HOMER1: variants seen among roughly 807,000 people sequenced by gnomAD.
HOMER1 encodes the protein homer protein homolog 1.
A neutral mutation model predicts 48.9 loss-of-function variants in HOMER1; 3 were observed. The observed-to-expected ratio is 0.06, with a 90% confidence interval of 0.03 to 0.16. The LOEUF (loss-of-function observed/expected upper bound fraction) is 0.16, where lower values mean the gene tolerates loss of function less well. HOMER1 is among the 10% of genes least tolerant of loss of function. The probability of loss-of-function intolerance (pLI) is 1.00; values close to 1 mark genes in which losing one functional copy is unlikely to be tolerated. For missense variants in HOMER1, 247 were observed against 411.4 expected (o/e 0.60, Z 3.46); for synonymous variants, 134 against 146.4 (o/e 0.92, Z 0.61).
At chr5:79,396,938 C>T in intron 7 of HOMER1, 35 bp from the exon 8 acceptor site, 1 of 1,194,728 alleles carries the variant, frequency 8.4e-7, no homozygotes, top group Non-Finnish European at 1.2e-6. Flanking sequence ...AACATTCAAA[C>T]TATATCAAGG....
chr5:79,398,371 T>C (rs536474742), intron 6 of HOMER1, among the ~76,000 whole-genome samples: 2 of 151,922 alleles, frequency 1.3e-5, no homozygotes, highest in African/African-American at 4.8e-5. Flanking sequence ...ACATATATCA[T>C]GTGCTCATAA....
chr5:79,507,979 AG>A (rs1449240576), intron 1 of HOMER1, among the ~76,000 whole-genome samples: 1 of 152,176 alleles, frequency 6.6e-6, no homozygotes, highest in Non-Finnish European at 1.5e-5. Flanking sequence ...CACATCTCTC[AG>A]TCACCATCCC....
intron 1 of HOMER1, among the ~76,000 whole-genome samples, chr5:79,478,492 C>CAGCCT (rs142704411): frequency 0.078 from 11,823 of 151,678 alleles, 1,005 homozygotes; most frequent in East Asian, 0.24. Flanking sequence ...AGTTCGAGAC[C>CAGCCT]AGCCTGGGCA....
At chr5:79,499,051 G>C (rs1337680332) in intron 1 of HOMER1, among the ~76,000 whole-genome samples, 1 of 152,036 alleles carries the variant, frequency 6.6e-6, no homozygotes, top group Non-Finnish European at 1.5e-5. Flanking sequence ...GGCCAGGATG[G>C]TCTTGATCTC....
intron 8 of HOMER1, among the ~76,000 whole-genome samples, chr5:79,378,222 C>CAAAAAAAAAAAA (rs58802660): frequency 3.4e-4 from 29 of 85,576 alleles, no homozygotes; most frequent in African/African-American, 1.0e-3. Flanking sequence ...GACTCTGTCT[C>CAAAAAAAAAAAA]AAAAAAAAAA....
chr5:79,474,848 CA>C (rs1203755448), intron 1 of HOMER1, among the ~76,000 whole-genome samples: 1 of 152,116 alleles, frequency 6.6e-6, no homozygotes, highest in East Asian at 1.9e-4. Flanking sequence ...GTAATAGTGA[CA>C]GGAAAAAAGC....
At chr5:79,381,072 G>A (rs1561341497) in intron 8 of HOMER1, among the ~76,000 whole-genome samples, 1 of 151,806 alleles carries the variant, frequency 6.6e-6, no homozygotes, top group Non-Finnish European at 1.5e-5. Flanking sequence ...TGCTAACACT[G>A]GTGCAAGCAA....
At chr5:79,457,774 A>C (rs1751213093) in intron 1 of HOMER1, among the ~76,000 whole-genome samples, 1 of 152,188 alleles carries the variant, frequency 6.6e-6, no homozygotes, top group Non-Finnish European at 1.5e-5. Context: ...CCCTAAGAGC[A>C]ATGGTTCAGT....
At chr5:79,446,353 G>A (rs1750881754) in intron 4 of HOMER1, among the ~76,000 whole-genome samples, 1 of 151,946 alleles carries the variant, frequency 6.6e-6, no homozygotes, top group Admixed American at 6.6e-5. Flanking sequence ...CTCTACCTCG[G>A]CTTTCCCCTC....
chr5:79,385,560 G>A (rs527897187), intron 8 of HOMER1, among the ~76,000 whole-genome samples: 4 of 152,206 alleles, frequency 2.6e-5, no homozygotes, highest in Admixed American at 2.6e-4. Flanking sequence ...ATCATCTTAT[G>A]GCCAGGTGCG....
rs538591953 is a variant in HOMER1 at position 79,500,907 on chromosome 5, G to A, written c.5+11863C>T. Among the ~76,000 whole-genome samples, 4 of 146,418 alleles carry A rather than the reference G, an allele frequency of 2.7e-5. No homozygotes were observed. The South Asian group carries it at 8.8e-4, about 32-fold the overall frequency. Reference sequence around the variant, plus strand: ...CCCAAAGTGCTGGGATTATAGGCGTGAGCCACTGCACCCAGCCATTTGTGT... The same window carrying A: ...CCCAAAGTGCTGGGATTATAGGCGTAAGCCACTGCACCCAGCCATTTGTGT... On this transcript the variant is annotated intron_variant, in intron 1 of 8. Transcript: ENST00000334082.
intron 5 of HOMER1, among the ~76,000 whole-genome samples, chr5:79,413,292 T>G (rs1278575425): frequency 1.3e-5 from 2 of 152,038 alleles, no homozygotes; most frequent in African/African-American, 4.8e-5. Flanking sequence ...AAACACAAAT[T>G]CAAGAAGCCC....
chr5:79,417,794 C>T (rs1433250827), intron 5 of HOMER1, among the ~76,000 whole-genome samples: 1 of 152,062 alleles, frequency 6.6e-6, no homozygotes, highest in Non-Finnish European at 1.5e-5. Context: ...GGAAAATTCA[C>T]CCTAAAAATT....
At chr5:79,421,471 A>G (rs1431480066) in intron 5 of HOMER1, among the ~76,000 whole-genome samples, 1 of 152,236 alleles carries the variant, frequency 6.6e-6, no homozygotes, top group Non-Finnish European at 1.5e-5. Context: ...ATATAAGGAA[A>G]GTTTACTATG....
At chr5:79,406,487 C>T (rs73769653) in intron 5 of HOMER1, among the ~76,000 whole-genome samples, 79 of 152,308 alleles carry the variant, frequency 5.2e-4, no homozygotes, top group African/African-American at 1.8e-3. Flanking sequence ...TTACCACAGA[C>T]TTCTATCAGG....
intron 1 of HOMER1, among the ~76,000 whole-genome samples, chr5:79,497,849 C>G (rs1377062960): frequency 6.6e-6 from 1 of 152,118 alleles, no homozygotes; most frequent in African/African-American, 2.4e-5. Flanking sequence ...AATGCAGTCA[C>G]TCTCAAATAA....
At position 79,404,790 on chromosome 5, in the gene HOMER1, G is replaced by A. The variant is rs62363109; in HGVS notation, c.528-2735C>T. Among the ~76,000 whole-genome samples, 808 of 151,950 alleles carry A rather than the reference G, an allele frequency of 5.3e-3. 5 individuals carry two copies. The highest frequency in any genetic ancestry group is 8.3e-3 in the Non-Finnish European group (565 of 67,980). ...CACAATCTCAGCTCATGCAACCTCC[G>A]CCTTCCAGGTTCAAGCGATTCTCCT... On this transcript the variant is annotated intron_variant, in intron 5 of 8. Transcript: ENST00000334082.
intron 1 of HOMER1, among the ~76,000 whole-genome samples, chr5:79,458,861 T>C (rs1751241450): frequency 6.6e-6 from 1 of 152,206 alleles, no homozygotes; most frequent in Non-Finnish European, 1.5e-5. Flanking sequence ...ATTCCCTCTT[T>C]CCCCATCCTC....
intron 1 of HOMER1, among the ~76,000 whole-genome samples, chr5:79,491,707 A>G (rs1439507702): frequency 1.3e-5 from 2 of 152,192 alleles, no homozygotes; most frequent in African/African-American, 4.8e-5. Flanking sequence ...TGTTTTCCTT[A>G]TGTATGAAAT....
Sources: allele counts gnomAD v4.1 joint callset (sites outside exome capture counted in the v4.1 genomes callset), GRCh38; gene constraint gnomAD v4.1.1; transcripts MANE v1.5; gene names NCBI Gene and HGNC (gene_info 2026-07-23, HGNC 2026-07-21).